Variants in CD3G observed in about 807,000 individuals in gnomAD.
The protein encoded by CD3G is T-cell surface glycoprotein CD3 gamma chain.
A neutral mutation model predicts 28.3 loss-of-function variants in CD3G; 24 were observed. The ratio of observed to expected loss-of-function variants is 0.85; its 90% confidence interval spans 0.61 to 1.19. The LOEUF (loss-of-function observed/expected upper bound fraction) is 1.19, where lower values mean the gene tolerates loss of function less well. CD3G is among the 50% of genes most tolerant of loss of function. The pLI is 0.00. For synonymous variants in CD3G, 71 were observed against 75.9 expected (o/e 0.93, Z 0.34); for missense variants, 211 against 210.0 (o/e 1.00, Z -0.03).
chr11:118,344,519 C>A lies in CD3G; in HGVS notation c.55+41C>A, dbSNP rs200390526. ...GGGTCTGGAAGCCTGGGGAAGGGCT[C>A]AAGGGAAGAGCCCATCACTAGTGAG... is the stretch of plus-strand genomic sequence containing the variant. On this transcript the variant is annotated intron_variant, in intron 1 of 6. Transcript: ENST00000532917. The A allele has an allele frequency of 4.4e-5, 65 of 1,487,948 alleles. No individual in the cohort carries two copies. In the East Asian group the frequency reaches 1.6e-3, roughly 36 times the overall value. The allele number at this position is 1,487,948 out of a possible 1,614,324, so 92.2% of individuals were successfully genotyped here.
Position 118,349,936 on chromosome 11 carries a change from G to A in CD3G, c.273G>A (p.Gln91=). The A allele has an allele frequency of 1.2e-6, 2 of 1,614,082 alleles. No homozygotes were observed. Among genetic ancestry groups the A allele is most frequent in the Non-Finnish European group, 1.7e-6 (2 of 1,179,968 alleles). ...GGATGTATCAGTGTAAAGGATCACA[G>A]AACAAGTCAAAACCACTCCAAGTGT... is the stretch of plus-strand genomic sequence containing the variant. The part of the protein sequence containing the change: ...PRGMYQCKGS[Q]NKSKPLQVYY... The change falls in exon 3 of 7, where the codon CAG becomes CAA. Residue 91 remains glutamine, a synonymous_variant. Coordinates refer to ENST00000532917, the MANE Select transcript of CD3G (RefSeq NM_000073.3).
chr11:118,350,614 G>A lies in CD3G; in HGVS notation c.370G>A (p.Val124Ile), dbSNP rs1229259323. The A allele has an allele frequency of 9.3e-6, 15 of 1,613,840 alleles. No individual in the cohort carries two copies. Among genetic ancestry groups the A allele is most frequent in the Middle Eastern group, 1.6e-4 (1 of 6,084 alleles). The change falls in exon 4 of 7, where the codon GTC (valine) becomes ATC (isoleucine). Residue 124 changes from valine to isoleucine, a missense_variant. Val to Ile is a conservative substitution (Grantham distance 29). Transcript: ENST00000532917. The part of the protein sequence containing the change: ...TISGFLFAEI[V>I]SIFVLAVGVY... ...ATCTGGCTTTCTCTTTGCTGAAATC[G>A]TCAGCATTTTCGTCCTTGCTGTTGG...
intron 4 of CD3G, among the ~76,000 whole-genome samples, chr11:118,351,203 A>C (rs917471503): frequency 6.6e-6 from 1 of 150,752 alleles, no homozygotes; most frequent in African/African-American, 2.5e-5. Context: ...AAAAAAAAAA[A>C]AAACTATTTT....
chr11:118,349,699 C>T, intron 2 of CD3G, 44 bp from the exon 3 acceptor site: 2 of 1,448,812 alleles, frequency 1.4e-6, no homozygotes, highest in Non-Finnish European at 1.9e-6. Context: ...GGGAGAATTT[C>T]AGAGGCAAGA....
At chr11:118,350,037 T>C in intron 3 of CD3G, 67 bp downstream of exon 3, 1 of 1,221,782 alleles carries the variant, frequency 8.2e-7, no homozygotes, top group Non-Finnish European at 1.2e-6. Context: ...GTGAGCTTTT[T>C]ATCTGGGGTG....
At chr11:118,345,902 G>A (rs1481626718) in intron 1 of CD3G, among the ~76,000 whole-genome samples, 1 of 152,204 alleles carries the variant, frequency 6.6e-6, no homozygotes, top group African/African-American at 2.4e-5. Flanking sequence ...GACTTGAAGA[G>A]GACAGTGAGA....
intron 6 of CD3G, among the ~76,000 whole-genome samples, chr11:118,352,874 T>C (rs1407434106): frequency 6.6e-6 from 1 of 152,190 alleles, no homozygotes; most frequent in Non-Finnish European, 1.5e-5. Context: ...CTCCACCAGA[T>C]GCTGGTAGAT....
intron 2 of CD3G, 200 bp downstream of exon 2, chr11:118,349,250 C>A (rs1948383549): frequency 1.2e-5 from 18 of 1,500,618 alleles, no homozygotes; most frequent in African/African-American, 1.4e-5. Flanking sequence ...AAGCATTTAA[C>A]TGGTCTCTTA....
rs778871163 is a variant in CD3G at position 118,349,012 on chromosome 11, C to A, written c.56-15C>A. 6.2e-7 allele frequency: 1 copy of A among 1,614,132 alleles called. No individual in the cohort carries two copies. The highest frequency in any genetic ancestry group is 2.2e-5 in the East Asian group (1 of 44,888). ...CATGCCCAGCTAATACTCTATCTCT[C>A]TTCTGTCTTTACAGGTACTTTGGCC... On this transcript the variant is annotated splice_polypyrimidine_tract_variant and intron_variant, in intron 1 of 6. Transcript: ENST00000532917.
chr11:118,350,622 T>A lies in CD3G; in HGVS notation c.378T>A (p.Ile126=). 6.2e-7 allele frequency: 1 copy of A among 1,613,982 alleles called. No homozygotes were observed. Among genetic ancestry groups the A allele is most frequent in the Non-Finnish European group, 8.5e-7 (1 of 1,179,996 alleles). ...SGFLFAEIVS[I]FVLAVGVYFI... ...TTCTCTTTGCTGAAATCGTCAGCAT[T>A]TTCGTCCTTGCTGTTGGGGTCTACT... The change falls in exon 4 of 7, where the codon ATT becomes ATA. Residue 126 remains isoleucine, a synonymous_variant. Coordinates refer to ENST00000532917, the MANE Select transcript of CD3G (RefSeq NM_000073.3).
chr11:118,350,196 C>A, intron 3 of CD3G: 1 of 589,386 alleles, frequency 1.7e-6, no homozygotes, highest in Non-Finnish European at 3.0e-6. Flanking sequence ...GGGTGGGCTC[C>A]ATGGATTCAA....
intron 6 of CD3G, among the ~76,000 whole-genome samples, 194 bp from the exon 7 acceptor site, chr11:118,352,925 A>C (rs575471584): frequency 1.9e-4 from 29 of 152,158 alleles, no homozygotes; most frequent in Non-Finnish European, 4.0e-4. Flanking sequence ...GACATTACCA[A>C]ATGTGTCCAA....
intron 5 of CD3G, among the ~76,000 whole-genome samples, chr11:118,352,149 G>A (rs567170671): frequency 1.3e-3 from 197 of 151,894 alleles, no homozygotes; most frequent in Non-Finnish European, 1.4e-3. Flanking sequence ...CCAGGAGGTC[G>A]AGGTTGCAGT....
At position 118,350,590 on chromosome 11, in the gene CD3G, T is replaced by C. The variant is rs1403278136; in HGVS notation, c.346T>C (p.Ser116Pro). 6.2e-7 allele frequency: 1 copy of C among 1,614,070 alleles called. No individual in the cohort carries two copies. The highest frequency in any genetic ancestry group is 1.7e-5 in the Admixed American group (1 of 60,004). ...CATTGAACTAAATGCAGCCACCATATCTGGCTTTCTCTTTGCTGAAATCGT... is the reference window on the plus strand; with the variant it reads ...CATTGAACTAAATGCAGCCACCATACCTGGCTTTCTCTTTGCTGAAATCGT... ...NCIELNAATI[S>P]GFLFAEIVSI... Residue 116 changes from serine (S) to proline (P), a missense_variant, in exon 4 of 7, where the codon TCT becomes CCT. Coordinates refer to ENST00000532917, the MANE Select transcript of CD3G (RefSeq NM_000073.3).
At chr11:118,344,765 G>T (rs1948340343) in intron 1 of CD3G, among the ~76,000 whole-genome samples, 1 of 152,224 alleles carries the variant, frequency 6.6e-6, no homozygotes. Context: ...GCCCAAAAGG[G>T]CATAGGCCAA....
Position 118,349,912 on chromosome 11 carries a change from G to C in CD3G, c.249G>C (p.Gly83=), listed in dbSNP as rs1948390796. The change falls in exon 3 of 7, where the codon GGG becomes GGC. Residue 83 remains glycine, a synonymous_variant. Transcript: ENST00000532917. ...GAAGTAATGCCAAGGACCCTCGAGG[G>C]ATGTATCAGTGTAAAGGATCACAGA... ...NLGSNAKDPR[G]MYQCKGSQNK... is the part of the protein sequence containing the mutation. 6.2e-7 allele frequency: 1 copy of C among 1,614,012 alleles called. No individual in the cohort carries two copies. The highest frequency in any genetic ancestry group is 8.5e-7 in the Non-Finnish European group (1 of 1,180,032).
chr11:118,353,593 C>T lies in CD3G; in HGVS notation c.*493C>T, dbSNP rs1338356226. ...TCACCCAGGCTGAAATGCAGTGGCA[C>T]CATCTCGGCTCACTGCAACCTCTGC... On this transcript the variant is annotated 3_prime_UTR_variant, in exon 7 of 7. Coordinates refer to ENST00000532917, the MANE Select transcript of CD3G (RefSeq NM_000073.3). 6.8e-6 allele frequency: 1 copy of T among 146,722 alleles called. No individual in the cohort carries two copies. 9.1% of individuals were successfully genotyped at this position (146,722 alleles called of 1,614,324 possible).
chr11:118,346,999 A>T (rs1470240165), intron 1 of CD3G, among the ~76,000 whole-genome samples: 1 of 152,108 alleles, frequency 6.6e-6, no homozygotes, highest in Non-Finnish European at 1.5e-5. Flanking sequence ...TCATTTATTC[A>T]TTTGCACATT....
intron 1 of CD3G, among the ~76,000 whole-genome samples, chr11:118,346,419 A>C (rs987896768): frequency 1.3e-5 from 2 of 152,118 alleles, no homozygotes; most frequent in Non-Finnish European, 2.9e-5. Flanking sequence ...CCTGGGCGAC[A>C]GAGTGAGACT....
Sources: allele counts gnomAD v4.1 joint callset (sites outside exome capture counted in the v4.1 genomes callset), GRCh38; gene constraint gnomAD v4.1.1; transcripts MANE v1.5; gene names NCBI Gene and HGNC (gene_info 2026-07-23, HGNC 2026-07-21).